Variants in CPNE1 observed in about 807,000 individuals in gnomAD.
CPNE1 encodes copine 1, also known as copine-1.
A neutral mutation model predicts 63.2 loss-of-function variants in CPNE1; 58 were observed. The observed-to-expected ratio is 0.92, with a 90% CI of 0.74 to 1.14. The LOEUF (loss-of-function observed/expected upper bound fraction) is 1.14, where lower values mean the gene tolerates loss of function less well. Among genes scored for constraint, CPNE1 ranks in the 50% most tolerant of loss-of-function variants. CPNE1 has a pLI of 0.00. For synonymous variants in CPNE1, 237 were observed against 249.0 expected, an observed-to-expected ratio of 0.95 and a Z score of 0.45; for missense variants, 672 against 661.7, an observed-to-expected ratio of 1.02 and a Z score of -0.17.
At chr20:35,648,907 C>T (rs1342174371) in intron 1 of CPNE1, 1 of 152,634 alleles carries the variant, frequency 6.6e-6, no homozygotes, top group East Asian at 1.9e-4. Context: ...AATATTATAG[C>T]TCAGTAAAGT....
intron 1 of CPNE1, among the ~76,000 whole-genome samples, chr20:35,659,451 G>A (rs1312857984): frequency 2.0e-5 from 3 of 152,098 alleles, no homozygotes; most frequent in Non-Finnish European, 4.4e-5. Context: ...ACTTAAGATA[G>A]CAATTCAAGG....
intron 1 of CPNE1, chr20:35,655,081 T>C (rs752740480): frequency 3.7e-6 from 6 of 1,614,202 alleles, no homozygotes. Context: ...TTCAATCATA[T>C]TCTGCATTTC....
chr20:35,628,619 C>T (rs1422471079), intron 13 of CPNE1, among the ~76,000 whole-genome samples: 1 of 152,166 alleles, frequency 6.6e-6, no homozygotes, highest in African/African-American at 2.4e-5. Context: ...GAGGGACATT[C>T]TAGAAAATAT....
intron 1 of CPNE1, chr20:35,649,444 G>GCCA (rs2033347295): frequency 6.6e-6 from 1 of 152,400 alleles, no homozygotes; most frequent in South Asian, 2.1e-4. Flanking sequence ...GGTTAAGACT[G>GCCA]GCCTTAACTA....
At chr20:35,646,012 G>A (rs1423976666) in intron 1 of CPNE1, among the ~76,000 whole-genome samples, 2 of 151,900 alleles carry the variant, frequency 1.3e-5, no homozygotes, top group African/African-American at 4.8e-5. Context: ...AGAGGCCAAG[G>A]CGGGAGCATC....
intron 1 of CPNE1, among the ~76,000 whole-genome samples, chr20:35,635,461 C>A (rs374870663): frequency 3.2e-4 from 48 of 152,236 alleles, no homozygotes; most frequent in African/African-American, 1.0e-3. Flanking sequence ...ACTGATGTCT[C>A]GCCCTTGTAA....
intron 1 of CPNE1, among the ~76,000 whole-genome samples, chr20:35,638,562 T>G (rs978037981): frequency 2.6e-5 from 4 of 152,212 alleles, no homozygotes; most frequent in Non-Finnish European, 5.9e-5. Context: ...AAGCATTAAA[T>G]GTACCACTTT....
At chr20:35,654,564 T>G (rs1390492299) in intron 1 of CPNE1, 2 of 1,614,174 alleles carry the variant, frequency 1.2e-6, no homozygotes, top group East Asian at 4.5e-5. Flanking sequence ...CAGGTAGAGG[T>G]GCCACAGGTG....
At chr20:35,653,732 T>C (rs1180580510) in intron 1 of CPNE1, 4 of 1,614,102 alleles carry the variant, frequency 2.5e-6, no homozygotes, top group Non-Finnish European at 3.4e-6. Context: ...TTTAGTATCA[T>C]TTCCCTCTGG....
Position 35,643,867 on chromosome 20 carries a change from T to C in CPNE1, c.1-10944A>G, listed in dbSNP as rs541259021. ...GAGTTGGCAAACTGAAAAGGCTCCT[T>C]CCCCAGCAGCTCAGAATCCATGACA... On this transcript the variant is annotated intron_variant, in intron 1 of 15. Coordinates refer to ENST00000397443, the MANE Select transcript of CPNE1 (RefSeq NM_152925.3). Among the ~76,000 whole-genome samples, 5 of 152,232 alleles carry C rather than the reference T, an allele frequency of 3.3e-5. No individual in the cohort carries two copies. The South Asian group carries it at 1.0e-3, about 32-fold the overall frequency.
intron 1 of CPNE1, chr20:35,651,713 A>T (rs1194760168): frequency 6.6e-6 from 1 of 152,644 alleles, no homozygotes; most frequent in Non-Finnish European, 1.5e-5. Flanking sequence ...AAACAACATG[A>T]ACAATTTTTA....
intron 1 of CPNE1, chr20:35,655,352 T>C (rs773998744): frequency 2.5e-6 from 4 of 1,580,496 alleles, no homozygotes; most frequent in Middle Eastern, 1.7e-4. Flanking sequence ...CACCTGCAGA[T>C]GAGAAAAGGC....
chr20:35,659,758 G>A (rs761564394), intron 1 of CPNE1, among the ~76,000 whole-genome samples: 2 of 152,152 alleles, frequency 1.3e-5, no homozygotes, highest in Non-Finnish European at 2.9e-5. Flanking sequence ...ATCTTTCACT[G>A]TCATTTCTTC....
chr20:35,634,150 A>T (rs1005814500), intron 1 of CPNE1, among the ~76,000 whole-genome samples: 1 of 148,206 alleles, frequency 6.7e-6, no homozygotes, highest in African/African-American at 2.5e-5. Flanking sequence ...AGTCCCAGCT[A>T]CTCGGGAGGC....
intron 1 of CPNE1, among the ~76,000 whole-genome samples, chr20:35,640,035 C>G (rs1471527799): frequency 6.6e-6 from 1 of 152,166 alleles, no homozygotes; most frequent in African/African-American, 2.4e-5. Context: ...CCTAAGGTGG[C>G]CTGGCTTCCA....
chr20:35,626,306 C>G lies in CPNE1; in HGVS notation c.1549G>C (p.Gly517Arg). Reference sequence around the variant, plus strand: ...GGAAGTGGCTTGAGCGGGGCCCAACCCTGGGCCCTGAAGTATGAGACCAGT... The same window carrying G: ...GGAAGTGGCTTGAGCGGGGCCCAACGCTGGGCCCTGAAGTATGAGACCAGT... ...TQLVSYFRAQ[G>R]WAPLKPLPPS... The change falls in exon 16 of 16, where the codon GGT becomes CGT. Residue 517 changes from glycine (G) to arginine (R), a missense_variant. Physicochemically the swap from Gly to Arg is moderately radical, Grantham distance 125. Transcript: ENST00000397443. 6.2e-7 allele frequency: 1 copy of G among 1,613,886 alleles called. No homozygotes were observed. The highest frequency in any genetic ancestry group is 2.2e-5 in the East Asian group (1 of 44,858).
chr20:35,629,409 C>G (rs2146279573), intron 13 of CPNE1, among the ~76,000 whole-genome samples: 1 of 152,318 alleles, frequency 6.6e-6, no homozygotes, highest in East Asian at 1.9e-4. Flanking sequence ...TTGGTGGACT[C>G]TGGCAAAATG....
chr20:35,630,035 T>A (rs895583277), intron 13 of CPNE1, among the ~76,000 whole-genome samples: 1 of 152,224 alleles, frequency 6.6e-6, no homozygotes, highest in Middle Eastern at 3.4e-3. Flanking sequence ...GCTCAATACC[T>A]GTAATCCCAG....
chr20:35,654,689 G>A (rs750896367), intron 1 of CPNE1: 1 of 1,613,784 alleles, frequency 6.2e-7, no homozygotes, highest in Admixed American at 1.7e-5. Context: ...GGTACTGGAG[G>A]AGGAACTGGA....
Sources: allele counts gnomAD v4.1 joint callset (sites outside exome capture counted in the v4.1 genomes callset), GRCh38; gene constraint gnomAD v4.1.1; transcripts MANE v1.5; gene names NCBI Gene and HGNC (gene_info 2026-07-23, HGNC 2026-07-21).